The following SORCS2 variants were observed in gnomAD, a reference collection of about 807,000 sequenced individuals.
SORCS2 encodes the protein VPS10 domain-containing receptor SorCS2.
SORCS2 carries 100 observed loss-of-function variants against 141.6 expected under a neutral mutation model. That is an observed-to-expected ratio of 0.71 (90% CI 0.60 to 0.83). The LOEUF (loss-of-function observed/expected upper bound fraction) is 0.83, where lower values mean the gene tolerates loss of function less well. Ranked by LOEUF, SORCS2 falls within the 40% of genes least tolerant of loss-of-function variation. SORCS2 has a pLI of 0.00. For missense variants in SORCS2, 1,646 were observed against 1,560.2 expected, an observed-to-expected ratio of 1.05 and a Z score of -0.93; for synonymous variants, 789 against 676.9, an observed-to-expected ratio of 1.17 and a Z score of -2.57.
chr4:7,674,639 C>A (rs546782254), intron 8 of SORCS2, among the ~76,000 whole-genome samples: 2 of 147,902 alleles, frequency 1.4e-5, no homozygotes, highest in African/African-American at 2.5e-5. Flanking sequence ...GCCCTTGGGG[C>A]TGCATAGCAC....
intron 1 of SORCS2, among the ~76,000 whole-genome samples, chr4:7,228,272 C>T (rs562301953): frequency 2.0e-5 from 3 of 148,394 alleles, no homozygotes; most frequent in Non-Finnish European, 4.4e-5. Flanking sequence ...CCCATTCTGA[C>T]CACCTTCTTT....
At chr4:7,686,222 A>G (rs529345497) in intron 10 of SORCS2, among the ~76,000 whole-genome samples, 1 of 152,350 alleles carries the variant, frequency 6.6e-6, no homozygotes, top group African/African-American at 2.4e-5. Context: ...AGGATGATTC[A>G]GCTTCATTGG....
intron 3 of SORCS2, among the ~76,000 whole-genome samples, chr4:7,541,043 C>T (rs1234357257): frequency 6.6e-6 from 1 of 152,218 alleles, no homozygotes; most frequent in Non-Finnish European, 1.5e-5. Flanking sequence ...TGTCTCTTAC[C>T]CTGGACCTGC....
At chr4:7,482,475 GAC>G in intron 2 of SORCS2, among the ~76,000 whole-genome samples, 1 of 60,062 alleles carries the variant, frequency 1.7e-5, no homozygotes. Flanking sequence ...GGACACCCCT[GAC>G]GCTGTTCAGA....
chr4:7,636,384 A>G (rs2108858789), intron 3 of SORCS2, among the ~76,000 whole-genome samples: 1 of 152,216 alleles, frequency 6.6e-6, no homozygotes, highest in East Asian at 1.9e-4. Flanking sequence ...TGAATGAATG[A>G]GTGAATGAAT....
intron 1 of SORCS2, among the ~76,000 whole-genome samples, chr4:7,347,143 A>T (rs1720692155): frequency 1.3e-5 from 2 of 152,298 alleles, no homozygotes; most frequent in East Asian, 3.9e-4. Flanking sequence ...TTGAGTTGGG[A>T]CAATGCCTTT....
At chr4:7,404,418 CA>C (rs1382429295) in intron 2 of SORCS2, among the ~76,000 whole-genome samples, 1 of 152,100 alleles carries the variant, frequency 6.6e-6, no homozygotes, top group East Asian at 1.9e-4. Flanking sequence ...GGTATTTGAG[CA>C]ATCTCTGAAC....
chr4:7,463,927 C>T (rs1329896657), intron 2 of SORCS2, among the ~76,000 whole-genome samples: 1 of 152,204 alleles, frequency 6.6e-6, no homozygotes, highest in Non-Finnish European at 1.5e-5. Context: ...ACAGGCACCC[C>T]TGAGTCCCCA....
chr4:7,403,898 C>T (rs981154411), intron 2 of SORCS2, among the ~76,000 whole-genome samples: 1 of 142,754 alleles, frequency 7.0e-6, no homozygotes, highest in South Asian at 2.2e-4. Flanking sequence ...AATACTCCAC[C>T]CCCCCGTACC....
At chr4:7,522,453 T>G (rs1211466407) in intron 2 of SORCS2, among the ~76,000 whole-genome samples, 2 of 152,234 alleles carry the variant, frequency 1.3e-5, no homozygotes, top group Non-Finnish European at 2.9e-5. Flanking sequence ...GGAATAAATG[T>G]AGATTGGAAT....
At chr4:7,241,811 G>A (rs146098151) in intron 1 of SORCS2, among the ~76,000 whole-genome samples, 1 of 152,326 alleles carries the variant, frequency 6.6e-6, no homozygotes, top group East Asian at 1.9e-4. Flanking sequence ...GTGAGCACTT[G>A]GGGAAATGAG....
chr4:7,289,656 A>G (rs1364653554), intron 1 of SORCS2, among the ~76,000 whole-genome samples: 4 of 152,178 alleles, frequency 2.6e-5, no homozygotes, highest in Non-Finnish European at 5.9e-5. Context: ...ATCACAATTC[A>G]TGGAAAGCTT....
At position 7,286,020 on chromosome 4, in the gene SORCS2, C is replaced by G. The variant is rs143890966; in HGVS notation, c.480+92894C>G. ...GCCGGCACCGTGCTCCGTGCCCTGC[C>G]GAGAGCCAGCTGCCCCGCCGGGGGC... On this transcript the variant is annotated intron_variant, in intron 1 of 26. Transcript: ENST00000507866. This position sits in a 1 kb window ranked among gnomAD's most constrained non-coding sequence, Gnocchi z 4.1. Among the ~76,000 whole-genome samples, 1 of 152,320 alleles carries G rather than the reference C, an allele frequency of 6.6e-6. No homozygotes were observed. The highest frequency in any genetic ancestry group is 1.5e-5 in the Non-Finnish European group (1 of 68,028).
At position 7,734,369 on chromosome 4, in the gene SORCS2, C is replaced by T. The variant is rs1264410381; in HGVS notation, c.3306C>T (p.Phe1102=). The change falls in exon 25 of 27, where the codon TTC becomes TTT. Residue 1102 remains phenylalanine, a synonymous_variant. Coordinates refer to ENST00000507866, the MANE Select transcript of SORCS2 (RefSeq NM_020777.3). ...CGGGAGCCTTCATCCTCTACAAGTT[C>T]AAAAGGCAAGGCCCTTGGCTGCCCT... The part of the protein sequence containing the change: ...FAAGAFILYK[F]KRKRPGRTVY... 2 of 1,549,276 alleles carry T rather than the reference C, an allele frequency of 1.3e-6. No individual in the cohort carries two copies. The highest frequency in any genetic ancestry group is 4.7e-5 in the East Asian group (2 of 42,356).
chr4:7,703,723 G>A (rs1047267303), intron 13 of SORCS2, among the ~76,000 whole-genome samples: 1 of 152,080 alleles, frequency 6.6e-6, no homozygotes, highest in Non-Finnish European at 1.5e-5. Flanking sequence ...CCAGGTGAGA[G>A]GGTTGGCAGC....
At chr4:7,574,548 G>C (rs919503247) in intron 3 of SORCS2, among the ~76,000 whole-genome samples, 1 of 151,978 alleles carries the variant, frequency 6.6e-6, no homozygotes, top group Non-Finnish European at 1.5e-5. Context: ...CGTTAAAGGA[G>C]AGAGACAGGG....
Position 7,729,616 on chromosome 4 carries a change from G to A in SORCS2, c.3012G>A (p.Val1004=), listed in dbSNP as rs1189340099. Residue 1004 remains valine, a synonymous_variant, in exon 23 of 27, where the codon GTG becomes GTA. Coordinates refer to ENST00000507866, the MANE Select transcript of SORCS2 (RefSeq NM_020777.3). ...CCAGCGTCCCTCAGGAGCTTCTGGT[G>A]ACTGTGGTGAAGCCGGGGCTGCCCA... ...KETSVPQELL[V]TVVKPGLPTL... is the part of the protein sequence containing the mutation. 17 of 1,591,608 alleles carry A rather than the reference G, an allele frequency of 1.1e-5. No homozygotes were observed. The highest frequency in any genetic ancestry group is 5.4e-5 in the African/African-American group (4 of 74,380).
intron 1 of SORCS2, among the ~76,000 whole-genome samples, chr4:7,212,133 C>T (rs942060139): frequency 6.6e-6 from 1 of 151,972 alleles, no homozygotes; most frequent in Non-Finnish European, 1.5e-5. Flanking sequence ...CAGAGGAAGT[C>T]TTTCCTTGAC....
intron 1 of SORCS2, among the ~76,000 whole-genome samples, chr4:7,323,256 A>C (rs1719020041): frequency 6.6e-6 from 1 of 152,252 alleles, no homozygotes; most frequent in African/African-American, 2.4e-5. Flanking sequence ...TAAGATGAGG[A>C]GCATCCTAGC....
Sources: allele counts gnomAD v4.1 joint callset (sites outside exome capture counted in the v4.1 genomes callset), GRCh38; gene constraint gnomAD v4.1.1; non-coding constraint Gnocchi (gnomAD v3.1); transcripts MANE v1.5; gene names NCBI Gene and HGNC (gene_info 2026-07-23, HGNC 2026-07-21).